Variants in RSPH14 observed in about 807,000 individuals in gnomAD.
The protein encoded by RSPH14 is radial spoke head 14 homolog, also known as rhabdoid tumor deletion region gene 1.
Under a neutral mutation model 26.7 loss-of-function variants are expected in RSPH14, and 20 were observed. The ratio of observed to expected loss-of-function variants is 0.75; its 90% confidence interval spans 0.53 to 1.09. RSPH14 has a LOEUF of 1.09. RSPH14 is among the 50% of genes least tolerant of loss of function. The pLI is 0.00. For synonymous variants in RSPH14, 177 were observed against 189.3 expected (o/e 0.93, Z 0.53); for missense variants, 449 against 457.2 (o/e 0.98, Z 0.16).
At chr22:23,135,484 TC>T (rs1273906374) in intron 3 of RSPH14, among the ~76,000 whole-genome samples, 3 of 100,962 alleles carry the variant, frequency 3.0e-5, no homozygotes, top group Non-Finnish European at 7.0e-5. Context: ...AGAGCGAGAC[TC>T]TGTCTCAAAT....
chr22:23,094,784 G>A lies in RSPH14; in HGVS notation c.422-30651C>T, dbSNP rs574347320. Among the ~76,000 whole-genome samples, 4 of 152,354 alleles carry A rather than the reference G, an allele frequency of 2.6e-5. No individual in the cohort carries two copies. The South Asian group carries it at 8.3e-4, about 32-fold the overall frequency. ...CCTCCCTGTGATCAGAAGTGACCCA[G>A]CTCCTGCGGGGGTAATGAGAGTCAG... On this transcript the variant is annotated intron_variant, in intron 4 of 6. Coordinates refer to ENST00000216036, the MANE Select transcript of RSPH14 (RefSeq NM_014433.3).
chr22:23,092,910 A>G (rs1055006479), intron 4 of RSPH14, among the ~76,000 whole-genome samples: 2 of 152,236 alleles, frequency 1.3e-5, no homozygotes, highest in East Asian at 3.9e-4. Flanking sequence ...TGGGTTGGAC[A>G]CTGCCTTCTG....
At chr22:23,064,488 G>A (rs1601727730) in intron 4 of RSPH14, among the ~76,000 whole-genome samples, 1 of 152,158 alleles carries the variant, frequency 6.6e-6, no homozygotes, top group South Asian at 2.1e-4. Context: ...CAGGGCCCAG[G>A]CACACCAGGA....
At chr22:23,175,508 G>A in the RSPH14 span, among the ~76,000 whole-genome samples, 5 of 151,514 alleles carry the variant, frequency 3.3e-5, no homozygotes, top group Admixed American at 2.6e-4. Flanking sequence ...TTTTGGTAGA[G>A]ACAGGGTTTC....
At chr22:23,106,868 G>A (rs1397394958) in intron 4 of RSPH14, among the ~76,000 whole-genome samples, 3 of 152,200 alleles carry the variant, frequency 2.0e-5, no homozygotes, top group Admixed American at 2.0e-4. Flanking sequence ...GCTGCCCAGG[G>A]GAATGGGCAG....
At chr22:23,068,794 A>C (rs1297611254) in intron 4 of RSPH14, among the ~76,000 whole-genome samples, 1 of 152,214 alleles carries the variant, frequency 6.6e-6, no homozygotes, top group African/African-American at 2.4e-5. Context: ...CCCTTTTGAC[A>C]GAAGAGGAAA....
chr22:23,153,538 TC>T, the RSPH14 span: 5 of 983,282 alleles, frequency 5.1e-6, no homozygotes, highest in African/African-American at 8.8e-5. Flanking sequence ...TAAAATGGGG[TC>T]AAATCCAGTC....
At chr22:23,111,035 G>A (rs569993337) in intron 4 of RSPH14, among the ~76,000 whole-genome samples, 1 of 152,352 alleles carries the variant, frequency 6.6e-6, no homozygotes, top group South Asian at 2.1e-4. Flanking sequence ...GAGGGGGTAG[G>A]ATAGCACTGG....
chr22:23,150,675 G>A, the RSPH14 span, among the ~76,000 whole-genome samples: 28 of 152,210 alleles, frequency 1.8e-4, no homozygotes, highest in African/African-American at 4.8e-4. Context: ...TCTAAGTCAC[G>A]CAGGTGATTT....
At chr22:23,130,060 AAAG>A (rs1205128481) in intron 4 of RSPH14, among the ~76,000 whole-genome samples, 87 of 43,360 alleles carry the variant, frequency 2.0e-3, no homozygotes, top group African/African-American at 6.1e-3. Context: ...AGAGAAAGAA[AAAG>A]AAAGAAAGAA....
chr22:23,123,636 T>C, intron 4 of RSPH14: 2 of 588,142 alleles, frequency 3.4e-6, no homozygotes, highest in South Asian at 2.1e-5. Flanking sequence ...CACACACACA[T>C]GCACACACAC....
intron 4 of RSPH14, among the ~76,000 whole-genome samples, chr22:23,084,193 G>A (rs1354658463): frequency 1.3e-5 from 2 of 152,184 alleles, no homozygotes; most frequent in Non-Finnish European, 2.9e-5. Flanking sequence ...AATACAAGCA[G>A]TCCCCAACTT....
At position 23,059,689 on chromosome 22, in the gene RSPH14, T is replaced by C; in HGVS notation, c.820A>G (p.Ile274Val). 6.4e-7 allele frequency: 1 copy of C among 1,558,904 alleles called. No homozygotes were observed. Among genetic ancestry groups the C allele is most frequent in the Non-Finnish European group, 8.7e-7 (1 of 1,152,220 alleles). The change falls in exon 7 of 7, where the codon ATC becomes GTC. Residue 274 changes from isoleucine to valine, a missense_variant. Transcript: ENST00000216036. ...GKYAALEAQA[I>V]GLLLELLHSP... is the part of the protein sequence containing the mutation. ...TGCAGCAGCTCCAGGAGCAGGCCGA[T>C]GGCTTGTGCCTCCAGGGCCGCATAC...
At chr22:23,143,899 T>A (rs1227657740), upstream of RSPH14, among the ~76,000 whole-genome samples, 2 of 152,094 alleles carry the variant, frequency 1.3e-5, no homozygotes, top group Non-Finnish European at 2.9e-5. Flanking sequence ...AAAACCAGCC[T>A]GGCACACATG....
intron 5 of RSPH14, among the ~76,000 whole-genome samples, chr22:23,063,117 C>T (rs1185957934): frequency 6.6e-6 from 1 of 152,128 alleles, no homozygotes; most frequent in African/African-American, 2.4e-5. Context: ...CTCATGGTCC[C>T]ACAGAAAGGG....
At chr22:23,074,214 C>A (rs890338930) in intron 4 of RSPH14, among the ~76,000 whole-genome samples, 10 of 152,136 alleles carry the variant, frequency 6.6e-5, no homozygotes, top group African/African-American at 2.4e-4. Context: ...TTGAAAAGAT[C>A]TCTCTGCTGA....
chr22:23,154,259 G>A, the RSPH14 span, among the ~76,000 whole-genome samples: 1 of 152,068 alleles, frequency 6.6e-6, no homozygotes, highest in Admixed American at 6.5e-5. Context: ...CTCTCCACTT[G>A]CCTGCTGGCA....
At chr22:23,170,433 C>T in the RSPH14 span, among the ~76,000 whole-genome samples, 1 of 152,198 alleles carries the variant, frequency 6.6e-6, no homozygotes, top group Admixed American at 6.5e-5. Context: ...TTTGAGAGCG[C>T]TCTTCAGGGT....
intron 4 of RSPH14, among the ~76,000 whole-genome samples, chr22:23,084,264 AG>A (rs1035098720): frequency 5.9e-5 from 9 of 152,214 alleles, no homozygotes; most frequent in Admixed American, 1.3e-4. Flanking sequence ...ATTGAGTAGA[AG>A]CCTTACTTTG....
Sources: gnomAD v4.1 joint callset for allele counts (sites outside exome capture counted in the v4.1 genomes callset) on GRCh38, gnomAD v4.1.1 for gene constraint, MANE v1.5 for transcripts, NCBI Gene and HGNC (gene_info 2026-07-23, HGNC 2026-07-21) for gene names.